The following KLHDC2 variants were observed in gnomAD, a reference collection of about 807,000 sequenced individuals.
KLHDC2 encodes the protein kelch domain containing 2, also known as kelch domain-containing protein 2.
In KLHDC2, 38 loss-of-function variants were observed where a neutral mutation model predicts 62.3. The observed-to-expected ratio is 0.61, with a 90% confidence interval of 0.47 to 0.80. The LOEUF (loss-of-function observed/expected upper bound fraction) is 0.80. Ranked by LOEUF, KLHDC2 falls within the 30% of genes least tolerant of loss-of-function variation. The pLI, the probability that KLHDC2 is intolerant of heterozygous loss-of-function variation, is 0.00. For missense variants in KLHDC2, 430 were observed against 495.3 expected (o/e 0.87, Z 1.25); for synonymous variants, 159 against 161.0 (o/e 0.99, Z 0.09).
At chr14:49,780,001 T>C in intron 8 of KLHDC2, 195 bp downstream of exon 8, 1 of 615,460 alleles carries the variant, frequency 1.6e-6, no homozygotes, top group African/African-American at 1.8e-5. Flanking sequence ...GTACATAGCA[T>C]GTGCTCAGTG....
intron 1 of KLHDC2, 147 bp from the exon 2 acceptor site, chr14:49,771,447 G>A: frequency 1.9e-6 from 1 of 513,230 alleles, no homozygotes; most frequent in African/African-American, 2.0e-5. Context: ...TACCTTGAGT[G>A]TGTGGCATGG....
Position 49,771,631 on chromosome 14 carries a change from C to A in KLHDC2, c.191C>A (p.Pro64His). The A allele has an allele frequency of 1.3e-6, 2 of 1,525,010 alleles. No individual in the cohort carries two copies. Among genetic ancestry groups the A allele is most frequent in the South Asian group, 1.1e-5 (1 of 89,138 alleles). The allele number at this position is 1,525,010 out of a possible 1,614,324, so 94.5% of individuals were successfully genotyped here. A position where few individuals can be genotyped will look rare whatever the true frequency, so the allele number is the denominator to read the frequency against. The change falls in exon 2 of 13, where the codon CCT becomes CAT. Residue 64 changes from proline to histidine, a missense_variant. By Grantham distance (77) the Pro-to-His change is moderately conservative. Transcript: ENST00000298307. ...AGAGGATTATATGACTTTTATCTGC[C>A]TAGAGAAGAACTATGGATCTACAAC... ...QVRGLYDFYLPREELWIYNME... is the reference protein window; with the variant it reads ...QVRGLYDFYLHREELWIYNME...
At position 49,784,786 on chromosome 14, in the gene KLHDC2, A is replaced by G. The variant is rs1890081908; in HGVS notation, c.*1833A>G. 2.0e-6 allele frequency: 3 copies of G among 1,474,176 alleles called. No individual in the cohort carries two copies. Among genetic ancestry groups the G allele is most frequent in the Non-Finnish European group, 2.8e-6 (3 of 1,064,858 alleles). The allele number at this position is 1,474,176 out of a possible 1,614,324, so 91.3% of individuals were successfully genotyped here. A position where few individuals can be genotyped will look rare whatever the true frequency, so the allele number is the denominator to read the frequency against. ...CATGTTTCTTTTATGACAAAAACGAAAAACATTTCCAAACTTTTAGCTGAG... is the reference window on the plus strand; with the variant it reads ...CATGTTTCTTTTATGACAAAAACGAGAAACATTTCCAAACTTTTAGCTGAG... On this transcript the variant is annotated 3_prime_UTR_variant, in exon 13 of 13. Coordinates refer to ENST00000298307, the MANE Select transcript of KLHDC2 (RefSeq NM_014315.3).
At chr14:49,774,540 A>C (rs4499141) in intron 2 of KLHDC2, 21 bp from the exon 3 acceptor site, 1,449,408 of 1,459,742 alleles carry the variant, frequency 0.99, 720,122 homozygotes, top group East Asian at 1. Context: ...ACTTACATAC[A>C]TTTAATTTAT....
At position 49,782,393 on chromosome 14, in the gene KLHDC2, G is replaced by A; in HGVS notation, c.980G>A (p.Ser327Asn). 1 of 1,612,606 alleles carries A rather than the reference G, an allele frequency of 6.2e-7. No homozygotes were observed. The highest frequency in any genetic ancestry group is 8.5e-7 in the Non-Finnish European group (1 of 1,178,830). The change falls in exon 11 of 13, where the codon AGC becomes AAC. Residue 327 changes from serine to asparagine, a missense_variant. Physicochemically the swap from Ser to Asn is conservative, Grantham distance 46. Coordinates refer to ENST00000298307, the MANE Select transcript of KLHDC2 (RefSeq NM_014315.3). ...AGGTTATGGCACACAGCTTGTGCCA[G>A]CGATGAAGGAGAAGTAATTGTTTTT... ...KPRLWHTACA[S>N]DEGEVIVFGG... is the part of the protein sequence containing the mutation.
chr14:49,771,991 AAAAC>A (rs148669280), intron 2 of KLHDC2, among the ~76,000 whole-genome samples: 3,357 of 152,324 alleles, frequency 0.022, 140 homozygotes, highest in African/African-American at 0.076. Flanking sequence ...ACTGTCTCCA[AAAAC>A]AAACAAATCA....
At chr14:49,771,550 T>C in intron 1 of KLHDC2, 44 bp from the exon 2 acceptor site, 1 of 871,984 alleles carries the variant, frequency 1.1e-6, no homozygotes. Flanking sequence ...GTAGTGCCTC[T>C]TTAAAATACC....
At position 49,771,654 on chromosome 14, in the gene KLHDC2, A is replaced by G; in HGVS notation, c.214A>G (p.Asn72Asp). The G allele has an allele frequency of 6.6e-7, 1 of 1,517,970 alleles. No individual in the cohort carries two copies. 94.0% of individuals were successfully genotyped at this position (1,517,970 alleles called of 1,614,324 possible). Residue 72 changes from asparagine to aspartate, a missense_variant, in exon 2 of 13, where the codon AAC becomes GAC. Coordinates refer to ENST00000298307, the MANE Select transcript of KLHDC2 (RefSeq NM_014315.3). ...GCCTAGAGAAGAACTATGGATCTAC[A>G]ACATGGAGACTGGAAGATGGTAAAT... is the stretch of plus-strand genomic sequence containing the variant. ...YLPREELWIY[N>D]METGRWKKIN...
chr14:49,768,358 G>A lies in KLHDC2; in HGVS notation c.-111G>A. Reference sequence around the variant, plus strand: ...GAGAGGCCTCAACGCCGTCCCTTTCGCCACCGCCTTTTCCTTGCCTCGCGC... The same window carrying A: ...GAGAGGCCTCAACGCCGTCCCTTTCACCACCGCCTTTTCCTTGCCTCGCGC... On this transcript the variant is annotated 5_prime_UTR_variant, in exon 1 of 13. Coordinates refer to ENST00000298307, the MANE Select transcript of KLHDC2 (RefSeq NM_014315.3). 3.2e-6 allele frequency: 4 copies of A among 1,262,016 alleles called. No homozygotes were observed. The highest frequency in any genetic ancestry group is 4.3e-6 in the Non-Finnish European group (4 of 922,136). 78.2% of individuals were successfully genotyped at this position (1,262,016 alleles called of 1,614,324 possible).
Position 49,784,853 on chromosome 14 carries a change from A to G in KLHDC2, c.*1900A>G, listed in dbSNP as rs1890085918. On this transcript the variant is annotated 3_prime_UTR_variant, in exon 13 of 13. Transcript: ENST00000298307. ...TAATAAGACAGCATTTTCTACTAAA[A>G]TAACAAAAAACTGCTAACATTTTAA... The G allele has an allele frequency of 2.1e-6, 3 of 1,457,136 alleles. No homozygotes were observed. The highest frequency in any genetic ancestry group is 1.2e-5 in the South Asian group (1 of 84,370). The allele number at this position is 1,457,136 out of a possible 1,614,324, so 90.3% of individuals were successfully genotyped here.
chr14:49,781,218 T>C lies in KLHDC2; in HGVS notation c.956+443T>C, dbSNP rs185162440. On this transcript the variant is annotated intron_variant, in intron 10 of 12. Transcript: ENST00000298307. ...CCCCGTCTCTAGTAAAAATGCAAAA[T>C]TAGCTGGGCGTGGTGGCGTATGCCT... is the stretch of plus-strand genomic sequence containing the variant. Among the ~76,000 whole-genome samples, 829 of 151,796 alleles carry C rather than the reference T, an allele frequency of 5.5e-3. 3 individuals are homozygous for C. Among genetic ancestry groups the C allele is most frequent in the Non-Finnish European group, 8.8e-3 (597 of 67,924 alleles).
Position 49,785,175 on chromosome 14 carries a change from CA to C in KLHDC2, c.*2226del, listed in dbSNP as rs1213139179. The C allele has an allele frequency of 3.1e-6, 5 of 1,601,612 alleles. No homozygotes were observed. The Admixed American group carries it at 8.3e-5, about 27-fold the overall frequency. On this transcript the variant is annotated 3_prime_UTR_variant, in exon 13 of 13. Transcript: ENST00000298307. Reference sequence around the variant, plus strand: ...TACATGTGTTACTAAATAGACGTTACAAAACAATTCACAAAAGCCATTCTGT... The same window carrying C: ...TACATGTGTTACTAAATAGACGTTACAAACAATTCACAAAAGCCATTCTGT...
In KLHDC2 at chr14:49,782,461, A is replaced by G; in HGVS notation, c.1044+4A>G. On this transcript the variant is annotated splice_donor_region_variant and intron_variant, in intron 11 of 12. Coordinates refer to ENST00000298307, the MANE Select transcript of KLHDC2 (RefSeq NM_014315.3). ...CTTGCTTGTCCATCACAGAGCTGTA[A>G]GTATACTACCTTCACATTATTACTG... The G allele has an allele frequency of 6.2e-7, 1 of 1,607,744 alleles. No homozygotes were observed.
At position 49,785,131 on chromosome 14, in the gene KLHDC2, T is replaced by G. The variant is rs762788295; in HGVS notation, c.*2178T>G. 6.2e-7 allele frequency: 1 copy of G among 1,606,276 alleles called. No homozygotes were observed. The stretch of plus-strand genomic sequence containing the variant: ...TGCACTCCAGGAGTAAGTTTCACTT[T>G]ATATCTTTAAAAAGGAATTACATGT... On this transcript the variant is annotated 3_prime_UTR_variant, in exon 13 of 13. Transcript: ENST00000298307.
chr14:49,778,407 G>C lies in KLHDC2; in HGVS notation c.550-4G>C, dbSNP rs747740119. ...AAAATAACGCGGATTCTTATTTTCTGTAGAATTCAAGTCATCCAAGAGGAT... is the reference window on the plus strand; with the variant it reads ...AAAATAACGCGGATTCTTATTTTCTCTAGAATTCAAGTCATCCAAGAGGAT... On this transcript the variant is annotated splice_polypyrimidine_tract_variant and splice_region_variant and intron_variant, in intron 5 of 12. Coordinates refer to ENST00000298307, the MANE Select transcript of KLHDC2 (RefSeq NM_014315.3). 16 of 1,528,942 alleles carry C rather than the reference G, an allele frequency of 1.0e-5. No homozygotes were observed. Among genetic ancestry groups the C allele is most frequent in the Non-Finnish European group, 1.4e-5 (16 of 1,112,638 alleles). The allele number at this position is 1,528,942 out of a possible 1,614,324, so 94.7% of individuals were successfully genotyped here. A position where few individuals can be genotyped will look rare whatever the true frequency, so the allele number is the denominator to read the frequency against.
Position 49,782,871 on chromosome 14 carries a change from C to CCAACT in KLHDC2, c.1142_1146dup (p.Trp383ThrfsTer30). On this transcript the variant is annotated frameshift_variant, in exon 13 of 13. Coordinates refer to ENST00000298307, the MANE Select transcript of KLHDC2 (RefSeq NM_014315.3). LOFTEE classifies it high-confidence loss of function. ...GTCATTTGCTTTAAAGAAATGTTAGCCAACTCATGGAACTGCCTTCCAAAA... is the reference window on the plus strand; with the variant it reads ...GTCATTTGCTTTAAAGAAATGTTAGCCAACTCAACTCATGGAACTGCCTTCCAAAA... 6.2e-7 allele frequency: 1 copy of CCAACT among 1,613,692 alleles called. No individual in the cohort carries two copies. The highest frequency in any genetic ancestry group is 1.7e-5 in the Admixed American group (1 of 59,988).
Position 49,780,274 on chromosome 14 carries a change from G to T in KLHDC2, c.835G>T (p.Asp279Tyr). 6.2e-7 allele frequency: 1 copy of T among 1,613,832 alleles called. No individual in the cohort carries two copies. Among genetic ancestry groups the T allele is most frequent in the Non-Finnish European group, 8.5e-7 (1 of 1,179,740 alleles). The part of the protein sequence containing the change: ...SWHSLTPVSS[D>Y]HLFLFGGFTT... ...GCACTCACTAACACCAGTTTCTTCAGATCATCTTTTTCTCTTTGGAGGATT... is the reference window on the plus strand; with the variant it reads ...GCACTCACTAACACCAGTTTCTTCATATCATCTTTTTCTCTTTGGAGGATT... Residue 279 changes from aspartate to tyrosine, a missense_variant, in exon 9 of 13, where the codon GAT (aspartate) becomes TAT (tyrosine). Transcript: ENST00000298307.
At chr14:49,780,352 T>TCATCATATATCATCCATA in intron 9 of KLHDC2, 30 bp downstream of exon 9, 1 of 1,281,198 alleles carries the variant, frequency 7.8e-7, no homozygotes, top group Non-Finnish European at 1.1e-6. Flanking sequence ...GATAATGAAA[T>TCATCATATATCATCCATA]CATCATATAT....
rs1263421712 is a variant in KLHDC2 at position 49,773,392 on chromosome 14, C to T, written c.234-1169C>T. On this transcript the variant is annotated intron_variant, in intron 2 of 12. Transcript: ENST00000298307. ...TCGCGCCACTGCACTCCAGCCTGGG[C>T]GAAAGAGTCAGACTCCATCTCAAAA... 5.7e-5 allele frequency among the ~76,000 whole-genome samples: 6 copies of T among 104,626 alleles called. No individual in the cohort carries two copies. In the South Asian group the frequency reaches 2.1e-3, roughly 36 times the overall value. The allele number at this position is 104,626 out of a possible 152,430, so 68.6% of individuals were successfully genotyped here.
Sources: gnomAD v4.1 joint callset for allele counts (sites outside exome capture counted in the v4.1 genomes callset) on GRCh38, gnomAD v4.1.1 for gene constraint, MANE v1.5 for transcripts, NCBI Gene and HGNC (gene_info 2026-07-23, HGNC 2026-07-21) for gene names.